The following FGF7 variants were observed in gnomAD, a reference collection of about 807,000 sequenced individuals.
FGF7 encodes FGF-7.
In FGF7, 6 loss-of-function variants were observed where a neutral mutation model predicts 20.5. That is an observed-to-expected ratio of 0.29 (90% CI 0.16 to 0.58). The LOEUF is 0.58. Ranked by LOEUF, FGF7 falls within the 20% of genes least tolerant of loss-of-function variation. The probability of loss-of-function intolerance (pLI) is 0.90; values close to 1 mark genes in which losing one functional copy is unlikely to be tolerated. For synonymous variants in FGF7, 64 were observed against 74.7 expected (o/e 0.86, Z 0.74); for missense variants, 144 against 228.8 (o/e 0.63, Z 2.39).
At chr15:49,423,527 A>G (rs1176011824) in intron 1 of FGF7, 87 bp downstream of exon 1, 1 of 152,144 alleles carries the variant, frequency 6.6e-6, no homozygotes, top group African/African-American at 2.4e-5. Flanking sequence ...CTGAGCAGGA[A>G]AGTAAAGTTA....
intron 2 of FGF7, among the ~76,000 whole-genome samples, chr15:49,443,472 A>G (rs919228291): frequency 4.0e-5 from 6 of 151,656 alleles, no homozygotes; most frequent in African/African-American, 1.5e-4. Context: ...TTGATTCACT[A>G]TTTTGTTGAT....
intron 2 of FGF7, among the ~76,000 whole-genome samples, chr15:49,469,589 C>T (rs1270398882): frequency 1.3e-5 from 2 of 151,914 alleles, no homozygotes; most frequent in Admixed American, 1.3e-4. Context: ...GGTGTTGCTT[C>T]AATAAAGTAT....
At chr15:49,461,834 C>T (rs2053824708) in intron 2 of FGF7, among the ~76,000 whole-genome samples, 1 of 152,192 alleles carries the variant, frequency 6.6e-6, no homozygotes, top group Non-Finnish European at 1.5e-5. Flanking sequence ...TCTCTATCTA[C>T]ATATGGTTAC....
At position 49,485,389 on chromosome 15, in the gene FGF7, T is replaced by G. The variant is rs1597497400; in HGVS notation, c.*885T>G. 6.6e-6 allele frequency: 1 copy of G among 152,496 alleles called. No individual in the cohort carries two copies. The highest frequency in any genetic ancestry group is 2.4e-5 in the African/African-American group (1 of 41,438). 9.4% of individuals were successfully genotyped at this position (152,496 alleles called of 1,614,324 possible). ...ATGTTCTTCCCACAAATAATCATGC[T>G]TTTTTCCTATGGTTACAGCATTAAA... On this transcript the variant is annotated 3_prime_UTR_variant, in exon 4 of 4. Coordinates refer to ENST00000267843, the MANE Select transcript of FGF7 (RefSeq NM_002009.4).
chr15:49,461,512 A>G (rs1284078050), intron 2 of FGF7, among the ~76,000 whole-genome samples: 2 of 152,198 alleles, frequency 1.3e-5, no homozygotes, highest in South Asian at 2.1e-4. Context: ...TTCATGCTCT[A>G]TACTTCTCCT....
chr15:49,430,323 T>C lies in FGF7; in HGVS notation c.286+5740T>C, dbSNP rs756748001. Among the ~76,000 whole-genome samples, 12 of 151,964 alleles carry C rather than the reference T, an allele frequency of 7.9e-5. No individual in the cohort carries two copies. In the East Asian group the frequency reaches 2.3e-3, roughly 30 times the overall value. On this transcript the variant is annotated intron_variant, in intron 2 of 3. Coordinates refer to ENST00000267843, the MANE Select transcript of FGF7 (RefSeq NM_002009.4). ...CAGTAGGGTACTTGAAGTACAGGCC[T>C]CAATGTCTGCTTATTCTGCACTTAA...
chr15:49,481,475 A>G (rs545239263), intron 2 of FGF7, among the ~76,000 whole-genome samples: 1 of 152,230 alleles, frequency 6.6e-6, no homozygotes, highest in Admixed American at 6.5e-5. Context: ...CTGTGAATTA[A>G]GCCTAGCATA....
chr15:49,483,838 G>A (rs924531879), intron 3 of FGF7, among the ~76,000 whole-genome samples: 1 of 152,030 alleles, frequency 6.6e-6, no homozygotes, highest in African/African-American at 2.4e-5. Flanking sequence ...TGGTTGCATG[G>A]ATGAACAAAC....
chr15:49,476,039 G>A (rs2055231768), intron 2 of FGF7, among the ~76,000 whole-genome samples: 1 of 152,050 alleles, frequency 6.6e-6, no homozygotes, highest in South Asian at 2.1e-4. Context: ...TTGAATCTTT[G>A]CTTCCATGGC....
At chr15:49,456,084 A>T (rs1253097277) in intron 2 of FGF7, among the ~76,000 whole-genome samples, 3 of 152,162 alleles carry the variant, frequency 2.0e-5, no homozygotes, top group Non-Finnish European at 2.9e-5. Context: ...CTTATAAGAC[A>T]TTCTAAAATG....
At chr15:49,480,133 T>C (rs1377788837) in intron 2 of FGF7, among the ~76,000 whole-genome samples, 1 of 152,202 alleles carries the variant, frequency 6.6e-6, no homozygotes, top group Non-Finnish European at 1.5e-5. Flanking sequence ...CAATTGTCTT[T>C]TAGATATGTT....
chr15:49,463,848 C>T (rs564718053), intron 2 of FGF7, among the ~76,000 whole-genome samples: 5 of 152,304 alleles, frequency 3.3e-5, no homozygotes, highest in South Asian at 2.1e-4. Flanking sequence ...TATTTGCTAA[C>T]GCTCTTATAA....
At chr15:49,441,939 T>C (rs953497986) in intron 2 of FGF7, among the ~76,000 whole-genome samples, 1 of 151,626 alleles carries the variant, frequency 6.6e-6, no homozygotes, top group African/African-American at 2.4e-5. Flanking sequence ...TCAAGTATTA[T>C]AATTATTTGT....
At chr15:49,476,687 ATAT>A (rs2055352617) in intron 2 of FGF7, among the ~76,000 whole-genome samples, 2 of 152,190 alleles carry the variant, frequency 1.3e-5, no homozygotes, top group African/African-American at 4.8e-5. Context: ...ACACTCAATG[ATAT>A]TATATTATTA....
At chr15:49,426,068 TAATAAAA>T (rs1255613669) in intron 2 of FGF7, among the ~76,000 whole-genome samples, 1 of 150,708 alleles carries the variant, frequency 6.6e-6, no homozygotes, top group Non-Finnish European at 1.5e-5. Flanking sequence ...ATATCATGGA[TAATAAAA>T]CCTGGTGGAG....
At chr15:49,459,582 C>G (rs966560026) in intron 2 of FGF7, among the ~76,000 whole-genome samples, 21 of 152,012 alleles carry the variant, frequency 1.4e-4, no homozygotes, top group Admixed American at 6.6e-5. Flanking sequence ...CTTGTTTTAT[C>G]TCTTCAATAT....
At chr15:49,436,998 T>C (rs1264748698) in intron 2 of FGF7, among the ~76,000 whole-genome samples, 1 of 151,570 alleles carries the variant, frequency 6.6e-6, no homozygotes, top group Non-Finnish European at 1.5e-5. Flanking sequence ...TGAGAAGGCG[T>C]AGCAACCTTC....
intron 2 of FGF7, among the ~76,000 whole-genome samples, chr15:49,429,414 C>G (rs2050399843): frequency 6.6e-6 from 1 of 151,916 alleles, no homozygotes; most frequent in East Asian, 1.9e-4. Context: ...TTATGAAGTG[C>G]TAATAAGTTC....
intron 2 of FGF7, among the ~76,000 whole-genome samples, chr15:49,430,137 G>A (rs981341669): frequency 2.0e-5 from 3 of 151,878 alleles, no homozygotes; most frequent in African/African-American, 7.2e-5. Flanking sequence ...CCAACATTTG[G>A]TGAACTGGCC....
Sources: gnomAD v4.1 joint callset for allele counts (sites outside exome capture counted in the v4.1 genomes callset) on GRCh38, gnomAD v4.1.1 for gene constraint, MANE v1.5 for transcripts, NCBI Gene and HGNC (gene_info 2026-07-23, HGNC 2026-07-21) for gene names.